Variants in CCDC28B observed in about 807,000 individuals in gnomAD.
The protein encoded by CCDC28B is coiled-coil domain containing 28B.
In CCDC28B, 17 loss-of-function variants were observed where a neutral mutation model predicts 18.7. That is an observed-to-expected ratio of 0.91 (90% confidence interval 0.62 to 1.36). The LOEUF is 1.36. Ranked by LOEUF, CCDC28B falls within the 40% of genes most tolerant of loss-of-function variation. The pLI, the probability that CCDC28B is intolerant of heterozygous loss-of-function variation, is 0.00. For synonymous variants in CCDC28B, 116 were observed against 105.1 expected (o/e 1.10, Z -0.64); for missense variants, 213 against 251.7 (o/e 0.85, Z 1.04).
chr1:32,196,369 T>C (rs887180410), upstream of CCDC28B: 1 of 152,330 alleles, frequency 6.6e-6, no homozygotes, highest in Non-Finnish European at 1.5e-5. Flanking sequence ...TCCTCAAGAT[T>C]TGTCCTGATT....
At chr1:32,198,925 AAG>A (rs1643085796), upstream of CCDC28B, among the ~76,000 whole-genome samples, 1 of 152,160 alleles carries the variant, frequency 6.6e-6, no homozygotes. Context: ...GGCCCAGGTT[AAG>A]AGGGGTGGAC....
chr1:32,201,406 T>G (rs938978195), intron 1 of CCDC28B, among the ~76,000 whole-genome samples: 1 of 152,160 alleles, frequency 6.6e-6, no homozygotes, highest in Admixed American at 6.5e-5. Flanking sequence ...ATGCTGCGGC[T>G]TCTCCTACAA....
At position 32,204,289 on chromosome 1, in the gene CCDC28B, T is replaced by C. The variant is rs1169850421; in HGVS notation, c.435T>C (p.Asp145=). The C allele has an allele frequency of 5.0e-6, 8 of 1,613,196 alleles. No homozygotes were observed. The Admixed American group carries it at 5.0e-5, about 10-fold the overall frequency. The change falls in exon 4 of 6, where the codon GAT becomes GAC. Residue 145 remains aspartate (D), a synonymous_variant. Coordinates refer to ENST00000373602, the MANE Select transcript of CCDC28B (RefSeq NM_024296.5). Reference sequence around the variant, plus strand: ...ATGTGTGTGGGGAGGAGGAGGACGATGAAGAGGAAGAGGATGGGGTCACTG... The same window carrying C: ...ATGTGTGTGGGGAGGAGGAGGACGACGAAGAGGAAGAGGATGGGGTCACTG... The part of the protein sequence containing the change: ...SLDVCGEEED[D]EEEEDGVTEG...
At chr1:32,200,411 C>A (rs1643123369), upstream of CCDC28B, 1 of 152,232 alleles carries the variant, frequency 6.6e-6, no homozygotes, top group Non-Finnish European at 1.5e-5. Context: ...TTGTAAGGAA[C>A]TGTAGCTTCT....
At chr1:32,202,439 T>C in intron 2 of CCDC28B, 1 of 435,684 alleles carries the variant, frequency 2.3e-6, no homozygotes, top group South Asian at 1.8e-5. Context: ...CACAGGTGGT[T>C]TGGGGGCCCT....
Position 32,201,919 on chromosome 1 carries a change from G to C in CCDC28B, c.-17G>C. The C allele has an allele frequency of 1.3e-6, 2 of 1,586,134 alleles. No individual in the cohort carries two copies. Among genetic ancestry groups the C allele is most frequent in the Non-Finnish European group, 1.7e-6 (2 of 1,168,340 alleles). On this transcript the variant is annotated 5_prime_UTR_variant, in exon 2 of 6. Transcript: ENST00000373602. ...GGGGTTGCTTCCCTCCTAGGCCTGA[G>C]GCCCAGCCAGCGCCCAATGGATGAC...
At chr1:32,202,394 T>A (rs1166266085) in intron 2 of CCDC28B, 8 of 566,270 alleles carry the variant, frequency 1.4e-5, no homozygotes, top group Non-Finnish European at 2.7e-5. Flanking sequence ...GGTATAAATA[T>A]GGAAGAAAGC....
rs748397574 is a variant in CCDC28B, at chr1:32,204,586, C to G, written c.526-12C>G. ...TCCTAACAGAAGCCTCCCTTTTTCTCTTTGTTGGCAGCTGGAAGACCTCAG... is the reference window on the plus strand; with the variant it reads ...TCCTAACAGAAGCCTCCCTTTTTCTGTTTGTTGGCAGCTGGAAGACCTCAG... On this transcript the variant is annotated splice_polypyrimidine_tract_variant and intron_variant, in intron 4 of 5. Coordinates refer to ENST00000373602, the MANE Select transcript of CCDC28B (RefSeq NM_024296.5). 35 of 1,557,640 alleles carry G rather than the reference C, an allele frequency of 2.2e-5. No individual in the cohort carries two copies. Among genetic ancestry groups the G allele is most frequent in the Non-Finnish European group, 1.7e-6 (2 of 1,153,922 alleles).
intron 1 of CCDC28B, chr1:32,201,701 A>C: frequency 2.5e-6 from 1 of 392,618 alleles, no homozygotes; most frequent in Non-Finnish European, 4.5e-6. Context: ...GTTTTCAGGC[A>C]GAAGGGGAAT....
chr1:32,196,622 G>A (rs1643031138), upstream of CCDC28B: 2 of 152,188 alleles, frequency 1.3e-5, no homozygotes, highest in Admixed American at 6.5e-5. Flanking sequence ...AACTTGCCAG[G>A]GTATTAGCCA....
In CCDC28B at chr1:32,205,233, G is replaced by A. The variant is rs2124195082; in HGVS notation, c.588G>A (p.Glu196=). The A allele has an allele frequency of 1.2e-6, 2 of 1,613,662 alleles. No homozygotes were observed. The highest frequency in any genetic ancestry group is 1.7e-6 in the Non-Finnish European group (2 of 1,179,740). Residue 196 remains glutamate (E), a synonymous_variant, in exon 6 of 6, where the codon GAG becomes GAA. Transcript: ENST00000373602. This position sits in a 1 kb window ranked among gnomAD's most constrained non-coding sequence, Gnocchi z 5.6. ...TGGCCGAGAACGCCGAGCCTGAGGA[G>A]CAGTCCGCTGCGTAGGCGTCCCACG... ...LHLAENAEPE[E]QSAA is the part of the protein sequence containing the mutation.
chr1:32,201,924 A>G lies in CCDC28B; in HGVS notation c.-12A>G, dbSNP rs1643154325. The G allele has an allele frequency of 6.3e-7, 1 of 1,590,534 alleles. No homozygotes were observed. Among genetic ancestry groups the G allele is most frequent in the Non-Finnish European group, 8.5e-7 (1 of 1,170,632 alleles). On this transcript the variant is annotated 5_prime_UTR_variant, in exon 2 of 6. Transcript: ENST00000373602. ...TGCTTCCCTCCTAGGCCTGAGGCCC[A>G]GCCAGCGCCCAATGGATGACAAAAA...
At chr1:32,199,137 AC>A (rs2124179490), upstream of CCDC28B, among the ~76,000 whole-genome samples, 1 of 152,264 alleles carries the variant, frequency 6.6e-6, no homozygotes, top group African/African-American at 2.4e-5. Flanking sequence ...CTCACCCAGC[AC>A]CCTGTTCTCT....
rs532828032 is a variant in CCDC28B at position 32,203,390 on chromosome 1, G to A, written c.165-489G>A. Among the ~76,000 whole-genome samples the A allele has an allele frequency of 1.2e-4, 19 of 152,032 alleles. No individual in the cohort carries two copies. In the South Asian group the frequency reaches 3.1e-3, roughly 25 times the overall value. On this transcript the variant is annotated intron_variant, in intron 2 of 5. Coordinates refer to ENST00000373602, the MANE Select transcript of CCDC28B (RefSeq NM_024296.5). ...AGAGAATCACTTGAACCCAGGAGGC[G>A]AGGTTGCAGTGAGCCGAGATCACAC...
upstream of CCDC28B, chr1:32,196,666 A>T (rs1239570957): frequency 6.6e-6 from 1 of 152,218 alleles, no homozygotes; most frequent in Non-Finnish European, 1.5e-5. Context: ...GGGACAACAG[A>T]ATGACTCAGA....
intron 2 of CCDC28B, among the ~76,000 whole-genome samples, chr1:32,203,448 C>T (rs549746549): frequency 4.1e-4 from 63 of 152,092 alleles, no homozygotes; most frequent in Admixed American, 1.7e-3. Flanking sequence ...CAGAGCGAGA[C>T]TCTGTCTCAA....
chr1:32,203,048 C>T (rs1477932234), intron 2 of CCDC28B: 1 of 151,996 alleles, frequency 6.6e-6, no homozygotes, highest in Non-Finnish European at 1.5e-5. Flanking sequence ...GCACAAGAAT[C>T]ACTTGAACCT....
upstream of CCDC28B, among the ~76,000 whole-genome samples, chr1:32,198,810 G>A (rs1643083165): frequency 6.6e-6 from 1 of 152,170 alleles, no homozygotes; most frequent in Non-Finnish European, 1.5e-5. Flanking sequence ...AAGGAATGTG[G>A]GCTAGATCCA....
chr1:32,199,193 T>C (rs902118310), upstream of CCDC28B, among the ~76,000 whole-genome samples: 8 of 152,210 alleles, frequency 5.3e-5, no homozygotes, highest in Non-Finnish European at 1.2e-4. Flanking sequence ...ATGTGCTGAA[T>C]GCCCAGGAAA....
Sources: gnomAD v4.1 joint callset for allele counts (sites outside exome capture counted in the v4.1 genomes callset) on GRCh38, gnomAD v4.1.1 for gene constraint, Gnocchi (gnomAD v3.1) non-coding constraint, MANE v1.5 for transcripts, NCBI Gene and HGNC (gene_info 2026-07-23, HGNC 2026-07-21) for gene names.